AARS1: variants seen among roughly 807,000 people sequenced by gnomAD.
The protein encoded by AARS1 is alanyl-tRNA synthetase 1, also known as alanine--tRNA ligase, cytoplasmic.
A neutral mutation model predicts 108.9 loss-of-function variants in AARS1; 72 were observed. That is an observed-to-expected ratio of 0.66 (90% CI 0.55 to 0.80). The LOEUF (loss-of-function observed/expected upper bound fraction) is 0.80, where lower values mean the gene tolerates loss of function less well. Among genes scored for constraint, AARS1 ranks in the 30% least tolerant of loss-of-function variants. The pLI is 0.00. For missense variants in AARS1, 1,193 were observed against 1,233.2 expected (o/e 0.97, Z 0.49); for synonymous variants, 489 against 465.7 (o/e 1.05, Z -0.64).
intron 17 of AARS1, 92 bp downstream of exon 17, chr16:70,254,529 C>T (rs1191217594): frequency 4.3e-6 from 4 of 936,768 alleles, no homozygotes; most frequent in Non-Finnish European, 7.0e-6. Context: ...CCACCAAGAA[C>T]CAGGGCCTGA....
At position 70,268,222 on chromosome 16, in the gene AARS1, C is replaced by T. The variant is rs764489063; in HGVS notation, c.1071+49G>A. 3.2e-6 allele frequency: 5 copies of T among 1,555,138 alleles called. No homozygotes were observed. In the South Asian group the frequency reaches 4.5e-5, roughly 14 times the overall value. On this transcript the variant is annotated intron_variant, in intron 8 of 20. Coordinates refer to ENST00000261772, the MANE Select transcript of AARS1 (RefSeq NM_001605.3). The stretch of plus-strand genomic sequence containing the variant: ...GTATGCCCTCTCCCACTCCATCCCT[C>T]TTAACGGACTGCTTTAGCACAGAAG...
At position 70,261,071 on chromosome 16, in the gene AARS1, C is replaced by T. The variant is rs769479883; in HGVS notation, c.1758G>A (p.Gly586=). The change falls in exon 13 of 21, where the codon GGG becomes GGA. Residue 586 remains glycine (G), a synonymous_variant. Transcript: ENST00000261772. ...CATCAATAAACAGCCAGACCTGATC[C>T]CCCACTTTCAGGTCACCGTAGATGG... is the stretch of plus-strand genomic sequence containing the variant. The part of the protein sequence containing the change: ...IGTIYGDLKV[G]DQVWLFIDEP... 1.9e-6 allele frequency: 3 copies of T among 1,613,670 alleles called. No homozygotes were observed. The South Asian group carries it at 3.3e-5, about 18-fold the overall frequency.
At chr16:70,262,120 G>A (rs1025199801) in intron 12 of AARS1, among the ~76,000 whole-genome samples, 26 of 152,154 alleles carry the variant, frequency 1.7e-4, no homozygotes, top group African/African-American at 6.0e-4. Context: ...TGCAAAGCTT[G>A]TAGGAAACTT....
chr16:70,286,763 T>C (rs922584964), intron 1 of AARS1, among the ~76,000 whole-genome samples: 3 of 151,702 alleles, frequency 2.0e-5, no homozygotes, highest in Non-Finnish European at 4.4e-5. Context: ...GAGAATCGCT[T>C]GAACCTGGGA....
At chr16:70,284,808 C>T (rs1301354067) in intron 1 of AARS1, among the ~76,000 whole-genome samples, 2 of 152,102 alleles carry the variant, frequency 1.3e-5, no homozygotes, top group Admixed American at 6.6e-5. Flanking sequence ...CAGACCCAAC[C>T]GTAACCTTAA....
At chr16:70,268,720 C>A (rs1225905317) in intron 7 of AARS1, among the ~76,000 whole-genome samples, 1 of 152,120 alleles carries the variant, frequency 6.6e-6, no homozygotes, top group Non-Finnish European at 1.5e-5. Context: ...CAATACCTAC[C>A]CTCACCCTGC....
chr16:70,261,965 A>G (rs1427598439), intron 12 of AARS1, among the ~76,000 whole-genome samples: 1 of 152,018 alleles, frequency 6.6e-6, no homozygotes, highest in African/African-American at 2.4e-5. Context: ...CACCACACCC[A>G]GCCGCATCTT....
Position 70,256,079 on chromosome 16 carries a change from T to C in AARS1, c.2178-243A>G, listed in dbSNP as rs117690614. Among the ~76,000 whole-genome samples, 380 of 152,288 alleles carry C rather than the reference T, an allele frequency of 2.5e-3. 1 individual carries two copies. Among genetic ancestry groups the C allele is most frequent in the Middle Eastern group, 6.8e-3 (2 of 294 alleles). Reference sequence around the variant, plus strand: ...CAAATGAGGTAAACATGAAAGTGCTTTGTGGTCCCTAATATCCAATACAGT... The same window carrying C: ...CAAATGAGGTAAACATGAAAGTGCTCTGTGGTCCCTAATATCCAATACAGT... On this transcript the variant is annotated intron_variant, in intron 15 of 20. Coordinates refer to ENST00000261772, the MANE Select transcript of AARS1 (RefSeq NM_001605.3).
At chr16:70,271,996 C>T in intron 4 of AARS1, 24 bp from the exon 5 acceptor site, 1 of 1,607,384 alleles carries the variant, frequency 6.2e-7, no homozygotes, top group Non-Finnish European at 8.5e-7. Flanking sequence ...AAAGATAAGT[C>T]CAGTTACAGC....
intron 12 of AARS1, among the ~76,000 whole-genome samples, chr16:70,262,020 CAAAGT>C (rs1960143936): frequency 6.6e-6 from 1 of 152,114 alleles, no homozygotes; most frequent in African/African-American, 2.4e-5. Context: ...CCTAGGGAGA[CAAAGT>C]AACTCATTCA....
chr16:70,277,176 T>G, intron 2 of AARS1, 22 bp from the exon 3 acceptor site: 3 of 1,613,058 alleles, frequency 1.9e-6, no homozygotes, highest in Non-Finnish European at 2.5e-6. Flanking sequence ...GGACAGCAGT[T>G]CAACTTTTAA....
rs1407191765 is a variant in AARS1 at position 70,257,950 on chromosome 16, C to G, written c.2177+83G>C. ...GGACTTCACTTCAACCTTAGACAGA[C>G]AAGAGTTGGTCCAGCCTAAGACCTA... On this transcript the variant is annotated intron_variant, in intron 15 of 20. Transcript: ENST00000261772. 10 of 1,495,302 alleles carry G rather than the reference C, an allele frequency of 6.7e-6. No homozygotes were observed. In the Admixed American group the frequency reaches 1.4e-4, roughly 21 times the overall value. 92.6% of individuals were successfully genotyped at this position (1,495,302 alleles called of 1,614,324 possible).
In AARS1 at chr16:70,276,960, A is replaced by G; in HGVS notation, c.333+6T>C. On this transcript the variant is annotated splice_donor_region_variant and intron_variant, in intron 3 of 20. Transcript: ENST00000261772. Reference sequence around the variant, plus strand: ...AACCCTAGTGGTTCTTCTGCTCTGAACTTACCTTAAAGTAATCTCCAAAAG... The same window carrying G: ...AACCCTAGTGGTTCTTCTGCTCTGAGCTTACCTTAAAGTAATCTCCAAAAG... 1 of 1,614,136 alleles carries G rather than the reference A, an allele frequency of 6.2e-7. No homozygotes were observed. Among genetic ancestry groups the G allele is most frequent in the African/African-American group, 1.3e-5 (1 of 75,034 alleles).
intron 1 of AARS1, among the ~76,000 whole-genome samples, chr16:70,287,112 G>T (rs1053188842): frequency 2.0e-5 from 3 of 151,712 alleles, no homozygotes; most frequent in African/African-American, 7.3e-5. Flanking sequence ...TTAGCCGGGC[G>T]TGGTAGCGGG....
rs1006290269 is a variant in AARS1, at chr16:70,253,737, T to C, written c.2584A>G (p.Met862Val). Residue 862 changes from methionine to valine, a missense_variant, in exon 19 of 21, where the codon ATG becomes GTG. By Grantham distance (21) the Met-to-Val change is conservative. Coordinates refer to ENST00000261772, the MANE Select transcript of AARS1 (RefSeq NM_001605.3). ...NPNQPLVILE[M>V]ESGASAKALN... is the part of the protein sequence containing the mutation. ...GCCTTGGCTGAGGCGCCGCTCTCCATCTCCAGGATGACAAGAGGCTGGTTG... is the reference window on the plus strand; with the variant it reads ...GCCTTGGCTGAGGCGCCGCTCTCCACCTCCAGGATGACAAGAGGCTGGTTG... 4 of 1,613,948 alleles carry C rather than the reference T, an allele frequency of 2.5e-6. No homozygotes were observed. The African/African-American group carries it at 5.3e-5, about 22-fold the overall frequency.
chr16:70,271,742 C>A, intron 5 of AARS1, 39 bp downstream of exon 5: 1 of 1,602,272 alleles, frequency 6.2e-7, no homozygotes, highest in South Asian at 1.1e-5. Context: ...CTCCCCTGCT[C>A]AGCTCAAGGA....
chr16:70,275,800 G>C (rs1465817473), intron 4 of AARS1, among the ~76,000 whole-genome samples: 1 of 151,230 alleles, frequency 6.6e-6, no homozygotes, highest in Non-Finnish European at 1.5e-5. Flanking sequence ...AGCTGGGTGT[G>C]GTGGCAGGCA....
chr16:70,259,806 CTT>C (rs963775904), intron 13 of AARS1, among the ~76,000 whole-genome samples: 10 of 151,288 alleles, frequency 6.6e-5, no homozygotes, highest in African/African-American at 2.4e-4. Flanking sequence ...GAGTTTCGCT[CTT>C]GTTGCCCAGT....
At chr16:70,262,597 G>C (rs1200703476) in intron 11 of AARS1, 73 bp from the exon 12 acceptor site, 6 of 1,460,734 alleles carry the variant, frequency 4.1e-6, no homozygotes, top group Non-Finnish European at 4.6e-6. Flanking sequence ...GCTGACTTTT[G>C]CTGGATTCTC....
Sources: allele counts gnomAD v4.1 joint callset (sites outside exome capture counted in the v4.1 genomes callset), GRCh38; gene constraint gnomAD v4.1.1; transcripts MANE v1.5; gene names NCBI Gene and HGNC (gene_info 2026-07-23, HGNC 2026-07-21).